CEP170: variants seen among roughly 807,000 people sequenced by gnomAD.
CEP170 encodes centrosomal protein of 170 kDa.
A neutral mutation model predicts 151.9 loss-of-function variants in CEP170; 21 were observed. The observed-to-expected ratio is 0.14, with a 90% confidence interval of 0.10 to 0.20. The LOEUF is 0.20. Ranked by LOEUF, CEP170 falls within the 10% of genes least tolerant of loss-of-function variation. The probability of loss-of-function intolerance (pLI) is 1.00; values close to 1 mark genes in which losing one functional copy is unlikely to be tolerated. For synonymous variants in CEP170, 356 were observed against 648.8 expected (o/e 0.55, Z 6.86); for missense variants, 964 against 1,892.9 (o/e 0.51, Z 9.11).
At chr1:243,157,429 A>G (rs559431168) in intron 13 of CEP170, among the ~76,000 whole-genome samples, 12 of 152,368 alleles carry the variant, frequency 7.9e-5, no homozygotes, top group African/African-American at 2.9e-4. Flanking sequence ...TAACAAGGGC[A>G]GGAACCATGT....
intron 7 of CEP170, 60 bp downstream of exon 7, chr1:243,199,000 T>C: frequency 1.1e-6 from 1 of 894,798 alleles, no homozygotes; most frequent in Non-Finnish European, 1.7e-6. Flanking sequence ...GCTGTTTGCT[T>C]AGATTACAGA....
intron 13 of CEP170, among the ~76,000 whole-genome samples, chr1:243,158,425 G>A (rs2057755944): frequency 6.6e-6 from 1 of 152,134 alleles, no homozygotes; most frequent in Non-Finnish European, 1.5e-5. Flanking sequence ...AATAACTGCA[G>A]AACATATGAA....
rs939190973 is a variant in CEP170, at chr1:243,125,379, C to T, written c.*1070G>A. 6.6e-6 allele frequency: 1 copy of T among 152,556 alleles called. No homozygotes were observed. Among genetic ancestry groups the T allele is most frequent in the Non-Finnish European group, 1.5e-5 (1 of 68,044 alleles). 9.5% of individuals were successfully genotyped at this position (152,556 alleles called of 1,614,324 possible). A position where few individuals can be genotyped will look rare whatever the true frequency, so the allele number is the denominator to read the frequency against. ...AGACAGACAGCATTTACTATTGAGT[C>T]CTACAGGGAAACACACAGAAGCAAT... On this transcript the variant is annotated 3_prime_UTR_variant, in exon 20 of 20. Transcript: ENST00000366542.
At chr1:243,214,510 T>C (rs992687563) in intron 3 of CEP170, among the ~76,000 whole-genome samples, 3 of 150,880 alleles carry the variant, frequency 2.0e-5, no homozygotes, top group African/African-American at 7.3e-5. Flanking sequence ...GGTCTTGAAC[T>C]CCTGACCTTA....
chr1:243,167,306 T>G (rs1327457776), intron 12 of CEP170, among the ~76,000 whole-genome samples: 1 of 151,940 alleles, frequency 6.6e-6, no homozygotes, highest in South Asian at 2.1e-4. Context: ...ATTTTAAAAA[T>G]TGTAAGTATG....
chr1:243,207,473 A>T (rs976990784), intron 4 of CEP170, among the ~76,000 whole-genome samples: 1 of 152,230 alleles, frequency 6.6e-6, no homozygotes, highest in Non-Finnish European at 1.5e-5. Flanking sequence ...TAATTGAAAG[A>T]GTAAGAAGAC....
intron 1 of CEP170, among the ~76,000 whole-genome samples, chr1:243,240,946 T>C (rs1217030041): frequency 6.6e-6 from 1 of 152,134 alleles, no homozygotes; most frequent in Admixed American, 6.5e-5. Context: ...TCCCGCTTCG[T>C]CCTTCCAAAG....
chr1:243,156,485 TTATTA>T (rs2057560546), intron 13 of CEP170, 30 bp from the exon 14 acceptor site: 1 of 1,513,432 alleles, frequency 6.6e-7, no homozygotes, highest in Non-Finnish European at 8.9e-7. Flanking sequence ...AAAAAAAGAA[TTATTA>T]TGTTATCATT....
At chr1:243,220,429 A>C (rs1232973983) in intron 3 of CEP170, among the ~76,000 whole-genome samples, 2 of 152,200 alleles carry the variant, frequency 1.3e-5, no homozygotes, top group African/African-American at 4.8e-5. Flanking sequence ...TGCTTGAATA[A>C]AACCAACAGA....
At chr1:243,216,423 C>T (rs2062303374) in intron 3 of CEP170, among the ~76,000 whole-genome samples, 1 of 130,562 alleles carries the variant, frequency 7.7e-6, no homozygotes, top group South Asian at 2.4e-4. Flanking sequence ...TCTCATTGTT[C>T]AATTCCAACC....
At position 243,132,012 on chromosome 1, in the gene CEP170, A is replaced by AG. The variant is rs1436224356; in HGVS notation, c.4320-2560dup. On this transcript the variant is annotated intron_variant, in intron 17 of 19. Coordinates refer to ENST00000366542, the MANE Select transcript of CEP170 (RefSeq NM_014812.3). ...ATGCAAGGCCATGCTACACAACCTA[A>AG]GGGGGTCATTTTCACATGGAATGCA... Among the ~76,000 whole-genome samples, 5 of 152,300 alleles carry AG rather than the reference A, an allele frequency of 3.3e-5. No homozygotes were observed. The East Asian group carries it at 9.6e-4, about 29-fold the overall frequency.
intron 1 of CEP170, among the ~76,000 whole-genome samples, chr1:243,245,812 A>C (rs1037751222): frequency 6.6e-6 from 1 of 152,116 alleles, no homozygotes; most frequent in Non-Finnish European, 1.5e-5. Context: ...TGGGCATGGC[A>C]GCCCATGCCT....
intron 14 of CEP170, among the ~76,000 whole-genome samples, chr1:243,148,415 A>AC (rs977749231): frequency 2.0e-5 from 3 of 150,722 alleles, no homozygotes; most frequent in Non-Finnish European, 4.4e-5. Context: ...TACTAAAAAT[A>AC]CAAAAAAAAT....
At chr1:243,153,740 G>A (rs1251017968) in intron 14 of CEP170, among the ~76,000 whole-genome samples, 3 of 152,180 alleles carry the variant, frequency 2.0e-5, no homozygotes, top group Admixed American at 6.6e-5. Flanking sequence ...AAAAAACTGT[G>A]TGACTTGCTT....
chr1:243,229,644 G>A (rs530364633), intron 1 of CEP170, among the ~76,000 whole-genome samples: 39 of 152,254 alleles, frequency 2.6e-4, no homozygotes, highest in Non-Finnish European at 5.3e-4. Flanking sequence ...GTGGCTTCCT[G>A]GAGCCAGGGT....
chr1:243,254,727 G>A (rs2066418609), intron 1 of CEP170, among the ~76,000 whole-genome samples: 1 of 151,828 alleles, frequency 6.6e-6, no homozygotes, highest in South Asian at 2.1e-4. Flanking sequence ...TGCACTTAGG[G>A]GATGCGGAGG....
intron 6 of CEP170, 137 bp downstream of exon 6, chr1:243,200,381 G>C: frequency 1.4e-6 from 1 of 739,638 alleles, no homozygotes; most frequent in Non-Finnish European, 2.2e-6. Context: ...GAAAGCACTG[G>C]TAGCATTAAA....
chr1:243,253,794 C>T (rs1196029077), intron 1 of CEP170, among the ~76,000 whole-genome samples: 1 of 152,184 alleles, frequency 6.6e-6, no homozygotes, highest in Non-Finnish European at 1.5e-5. Flanking sequence ...CGGCTGCATA[C>T]ATTGTAAGCT....
intron 17 of CEP170, among the ~76,000 whole-genome samples, chr1:243,131,123 G>C (rs2054354540): frequency 1.3e-5 from 2 of 151,878 alleles, no homozygotes; most frequent in Admixed American, 1.3e-4. Context: ...TTTCACCTTT[G>C]GTGAAAATGG....
Sources: allele counts gnomAD v4.1 joint callset (sites outside exome capture counted in the v4.1 genomes callset), GRCh38; gene constraint gnomAD v4.1.1; transcripts MANE v1.5; gene names NCBI Gene and HGNC (gene_info 2026-07-23, HGNC 2026-07-21).